The following CAMTA1 variants were observed in gnomAD, a reference collection of about 807,000 sequenced individuals.
The protein encoded by CAMTA1 is calmodulin binding transcription activator 1.
In CAMTA1, 27 loss-of-function variants were observed where a neutral mutation model predicts 170.9. The ratio of observed to expected loss-of-function variants is 0.16; its 90% CI spans 0.12 to 0.22. CAMTA1 has a LOEUF of 0.22. Among genes scored for constraint, CAMTA1 ranks in the 10% least tolerant of loss-of-function variants. CAMTA1 has a pLI of 1.00. For missense variants in CAMTA1, 1,619 were observed against 2,217.2 expected, an observed-to-expected ratio of 0.73 and a Z score of 5.42; for synonymous variants, 833 against 891.5, an observed-to-expected ratio of 0.93 and a Z score of 1.17.
intron 6 of CAMTA1, among the ~76,000 whole-genome samples, chr1:7,560,750 A>C (rs2094945599): frequency 6.6e-6 from 1 of 152,144 alleles, no homozygotes; most frequent in Non-Finnish European, 1.5e-5. Flanking sequence ...GCGACTGCCT[A>C]GGACTGCTTT....
chr1:6,926,438 C>CTCTCTCTCTCTT (rs1553187940), intron 3 of CAMTA1, among the ~76,000 whole-genome samples: 1 of 126,088 alleles, frequency 7.9e-6, no homozygotes, highest in African/African-American at 3.0e-5. Context: ...TCTTTCTTTT[C>CTCTCTCTCTCTT]TCTTTCTTTC....
At chr1:7,698,991 T>C (rs2096409158) in intron 11 of CAMTA1, 1 of 152,238 alleles carries the variant, frequency 6.6e-6, no homozygotes, top group Non-Finnish European at 1.5e-5. Flanking sequence ...CATCAGACTC[T>C]CCTGACCTGG....
intron 6 of CAMTA1, among the ~76,000 whole-genome samples, chr1:7,613,008 A>G (rs977504820): frequency 3.9e-5 from 6 of 152,126 alleles, no homozygotes; most frequent in African/African-American, 1.4e-4. Flanking sequence ...TTCCATGTGC[A>G]CCAGTCTTAA....
intron 6 of CAMTA1, among the ~76,000 whole-genome samples, chr1:7,605,388 C>T (rs1338200501): frequency 6.6e-6 from 1 of 152,224 alleles, no homozygotes; most frequent in African/African-American, 2.4e-5. Flanking sequence ...CAATGGCAGG[C>T]GCCCCTCCCC....
intron 3 of CAMTA1, among the ~76,000 whole-genome samples, chr1:6,941,938 C>G (rs1686710147): frequency 6.6e-6 from 1 of 152,226 alleles, no homozygotes; most frequent in Non-Finnish European, 1.5e-5. Flanking sequence ...GCCTGAGAAC[C>G]AGGAAAACTT....
At chr1:7,287,694 G>A (rs978836939) in intron 5 of CAMTA1, among the ~76,000 whole-genome samples, 10 of 152,206 alleles carry the variant, frequency 6.6e-5, no homozygotes, top group Non-Finnish European at 1.2e-4. Context: ...GGCTTAACAA[G>A]TTCAAGTTTA....
intron 1 of CAMTA1, 65 bp from the exon 2 acceptor site, chr1:6,820,116 C>T: frequency 1.0e-6 from 1 of 979,308 alleles, no homozygotes; most frequent in Admixed American, 1.8e-5. Context: ...GCAGGAATAT[C>T]ACAGAAGAGC....
intron 22 of CAMTA1, among the ~76,000 whole-genome samples, chr1:7,764,914 C>T (rs1046133203): frequency 1.3e-5 from 2 of 151,522 alleles, no homozygotes; most frequent in Non-Finnish European, 2.9e-5. Flanking sequence ...GAGCCGAGAT[C>T]GCACCACTGC....
intron 5 of CAMTA1, among the ~76,000 whole-genome samples, chr1:7,282,326 C>T (rs978690787): frequency 3.3e-5 from 5 of 152,032 alleles, no homozygotes; most frequent in Non-Finnish European, 5.9e-5. Context: ...CTGCTCTTGC[C>T]CCTCTGCCCA....
At chr1:6,953,917 C>T (rs2149488083) in intron 3 of CAMTA1, among the ~76,000 whole-genome samples, 1 of 152,298 alleles carries the variant, frequency 6.6e-6, no homozygotes, top group Admixed American at 6.5e-5. Context: ...CAGCACTGAG[C>T]AGGCTCCGGA....
chr1:7,432,474 A>G (rs1291295116), intron 5 of CAMTA1, among the ~76,000 whole-genome samples: 1 of 152,238 alleles, frequency 6.6e-6, no homozygotes, highest in African/African-American at 2.4e-5. Flanking sequence ...GAATTGAGGC[A>G]CAGAGACCAT....
chr1:7,650,871 A>AG (rs1344783684), intron 7 of CAMTA1, among the ~76,000 whole-genome samples: 1 of 152,222 alleles, frequency 6.6e-6, no homozygotes, highest in African/African-American at 2.4e-5. Flanking sequence ...AATCAGAAAC[A>AG]GGGCCTTTAT....
intron 3 of CAMTA1, among the ~76,000 whole-genome samples, chr1:6,946,121 A>G (rs1687529201): frequency 6.6e-6 from 1 of 151,584 alleles, no homozygotes; most frequent in African/African-American, 2.4e-5. Context: ...TGAAATTCCC[A>G]CTAGCTGTAT....
intron 3 of CAMTA1, among the ~76,000 whole-genome samples, chr1:7,024,148 A>C (rs1488887584): frequency 6.6e-6 from 1 of 152,198 alleles, no homozygotes; most frequent in Non-Finnish European, 1.5e-5. Context: ...GTGCACATGA[A>C]GGTCCAGCAC....
In CAMTA1 at chr1:7,591,994, G is replaced by A. The variant is rs181387690; in HGVS notation, c.511-48406G>A. Among the ~76,000 whole-genome samples the A allele has an allele frequency of 2.6e-3, 396 of 152,296 alleles. 3 individuals carry two copies. The highest frequency in any genetic ancestry group is 4.0e-3 in the Non-Finnish European group (271 of 68,032). ...GCTCACTGCAACCTCCGCCTTGTGG[G>A]TTCAAGTGATTCTCCTGCCTCAGCC... On this transcript the variant is annotated intron_variant, in intron 6 of 22. Transcript: ENST00000303635.
At chr1:7,228,366 G>T (rs1036560001) in intron 4 of CAMTA1, among the ~76,000 whole-genome samples, 1 of 152,228 alleles carries the variant, frequency 6.6e-6, no homozygotes, top group Non-Finnish European at 1.5e-5. Flanking sequence ...ACTTTGGGGG[G>T]CCGAGGCGGG....
Position 7,685,346 on chromosome 1 carries a change from C to G in CAMTA1, c.2914+7613C>G, listed in dbSNP as rs2096249462. Among the ~76,000 whole-genome samples the G allele has an allele frequency of 6.6e-6, 1 of 152,188 alleles. No homozygotes were observed. Among genetic ancestry groups the G allele is most frequent in the African/African-American group, 2.4e-5 (1 of 41,442 alleles). ...CTCCTGTTGGAATGCTCAGGGACGG[C>G]CATGGGGCAGCAGGATAGGGCGGCC... is the stretch of plus-strand genomic sequence containing the variant. On this transcript the variant is annotated intron_variant, in intron 11 of 22. Coordinates refer to ENST00000303635, the MANE Select transcript of CAMTA1 (RefSeq NM_015215.4). The surrounding 1 kb of genome is among the most constrained non-coding windows in gnomAD (Gnocchi z 5.7).
chr1:7,022,436 CT>C (rs1701492706), intron 3 of CAMTA1, among the ~76,000 whole-genome samples: 1 of 152,110 alleles, frequency 6.6e-6, no homozygotes, highest in Non-Finnish European at 1.5e-5. Flanking sequence ...GTGAGGTTTC[CT>C]CTTGGATTGG....
rs3222190 is a variant in CAMTA1 at position 7,547,348 on chromosome 1, G to GCACACACACACACACACA, written c.510+79472_510+79489dup. Among the ~76,000 whole-genome samples, 2 of 144,006 alleles carry GCACACACACACACACACA rather than the reference G, an allele frequency of 1.4e-5. No homozygotes were observed. Among genetic ancestry groups the GCACACACACACACACACA allele is most frequent in the African/African-American group, 5.2e-5 (2 of 38,196 alleles). The allele number at this position is 144,006 out of a possible 152,430, so 94.5% of individuals were successfully genotyped here. On this transcript the variant is annotated intron_variant, in intron 6 of 22. Coordinates refer to ENST00000303635, the MANE Select transcript of CAMTA1 (RefSeq NM_015215.4). The surrounding 1 kb of genome is among the most constrained non-coding windows in gnomAD (Gnocchi z 5.7). ...GAGCTGGGGAATATATGTATCATAT[G>GCACACACACACACACACA]CACACACACACACACACACACACAC...
Sources: allele counts gnomAD v4.1 joint callset (sites outside exome capture counted in the v4.1 genomes callset), GRCh38; gene constraint gnomAD v4.1.1; non-coding constraint Gnocchi (gnomAD v3.1); transcripts MANE v1.5; gene names NCBI Gene and HGNC (gene_info 2026-07-23, HGNC 2026-07-21).